Variants in SIAH3 observed in about 807,000 individuals in gnomAD.
The protein encoded by SIAH3 is seven in absentia homolog 3.
A neutral mutation model predicts 12.6 loss-of-function variants in SIAH3; 9 were observed. The ratio of observed to expected loss-of-function variants is 0.72; its 90% CI spans 0.43 to 1.25. The LOEUF (loss-of-function observed/expected upper bound fraction) is 1.25. SIAH3 is among the 50% of genes most tolerant of loss of function. The probability of loss-of-function intolerance (pLI) is 0.00; values close to 1 mark genes in which losing one functional copy is unlikely to be tolerated. For missense variants in SIAH3, 390 were observed against 365.4 expected, an observed-to-expected ratio of 1.07 and a Z score of -0.55; for synonymous variants, 154 against 151.1, an observed-to-expected ratio of 1.02 and a Z score of -0.14.
chr13:45,814,099 C>T (rs1003498682), intron 1 of SIAH3, among the ~76,000 whole-genome samples: 2 of 151,914 alleles, frequency 1.3e-5, no homozygotes, highest in Middle Eastern at 3.4e-3. Context: ...ATTAGCCGGG[C>T]GTGGTGGCGG....
At chr13:45,835,413 C>T (rs1950714292) in intron 1 of SIAH3, among the ~76,000 whole-genome samples, 1 of 152,202 alleles carries the variant, frequency 6.6e-6, no homozygotes, top group Admixed American at 6.5e-5. Flanking sequence ...TCCCTCCTCA[C>T]ATCTAGTAAT....
chr13:45,790,352 G>A (rs956449883), intron 1 of SIAH3, among the ~76,000 whole-genome samples: 2 of 152,072 alleles, frequency 1.3e-5, no homozygotes, highest in African/African-American at 2.4e-5. Flanking sequence ...AATGAAAAGG[G>A]TCCATATAGA....
At chr13:45,817,603 C>T (rs1334232168) in intron 1 of SIAH3, among the ~76,000 whole-genome samples, 7 of 151,122 alleles carry the variant, frequency 4.6e-5, no homozygotes, top group Non-Finnish European at 8.8e-5. Flanking sequence ...GAGTGACCTA[C>T]AGAAGAGAAA....
Position 45,851,613 on chromosome 13 carries a change from T to G in SIAH3, c.17A>C (p.Gln6Pro). The G allele has an allele frequency of 6.2e-7, 1 of 1,614,136 alleles. No individual in the cohort carries two copies. Residue 6 changes from glutamine (Q) to proline (P), a missense_variant, in exon 1 of 2, where the codon CAG becomes CCG. Gln to Pro is a moderately conservative substitution (Grantham distance 76). Transcript: ENST00000400405. MLFFT[Q>P]CFGAVLDLIH... ...GAGATCTAATACAGCCCCAAAGCAC[T>G]GGGTAAAGAAAAGCATCACAACTTT...
intron 1 of SIAH3, among the ~76,000 whole-genome samples, chr13:45,796,122 C>T (rs1225785996): frequency 2.0e-5 from 3 of 152,048 alleles, no homozygotes; most frequent in East Asian, 1.9e-4. Context: ...AAATATAACT[C>T]GTGGTCTGGA....
Position 45,783,285 on chromosome 13 carries a change from G to T in SIAH3, c.*98C>A. ...AATTAAAAATTAAAAAAAAAAAAAA[G>T]AAAGGAGAAGAATAAAAAGGAGTCT... is the stretch of plus-strand genomic sequence containing the variant. On this transcript the variant is annotated 3_prime_UTR_variant, in exon 2 of 2. Transcript: ENST00000400405. 73 of 647,980 alleles carry T rather than the reference G, an allele frequency of 1.1e-4. No individual in the cohort carries two copies. The highest frequency in any genetic ancestry group is 5.0e-4 in the Middle Eastern group (1 of 2,006). 40.1% of individuals were successfully genotyped at this position (647,980 alleles called of 1,614,324 possible).
At chr13:45,841,291 CTG>C (rs1257921388) in intron 1 of SIAH3, among the ~76,000 whole-genome samples, 1 of 152,200 alleles carries the variant, frequency 6.6e-6, no homozygotes, top group African/African-American at 2.4e-5. Flanking sequence ...CTTGTAAAAT[CTG>C]TGTTATTGAT....
At chr13:45,840,353 T>C (rs1593388795) in intron 1 of SIAH3, among the ~76,000 whole-genome samples, 1 of 152,364 alleles carries the variant, frequency 6.6e-6, no homozygotes, top group East Asian at 1.9e-4. Context: ...AGCTTCCTCA[T>C]GTGTAAACTG....
chr13:45,831,032 G>T (rs1294459928), intron 1 of SIAH3, among the ~76,000 whole-genome samples: 1 of 151,654 alleles, frequency 6.6e-6, no homozygotes, highest in East Asian at 1.9e-4. Flanking sequence ...TACAAAAATT[G>T]GCCAGGCATG....
At chr13:45,837,745 T>C (rs761794486) in intron 1 of SIAH3, among the ~76,000 whole-genome samples, 1 of 152,204 alleles carries the variant, frequency 6.6e-6, no homozygotes, top group Non-Finnish European at 1.5e-5. Context: ...TAGTCTCACA[T>C]TGTATGTATT....
chr13:45,783,922 G>A lies in SIAH3; in HGVS notation c.271C>T (p.His91Tyr). 6.2e-7 allele frequency: 1 copy of A among 1,610,304 alleles called. No homozygotes were observed. Among genetic ancestry groups the A allele is most frequent in the Non-Finnish European group, 8.5e-7 (1 of 1,178,264 alleles). Residue 91 changes from histidine (H) to tyrosine (Y), a missense_variant, in exon 2 of 2, where the codon CAC becomes TAC. His to Tyr is a moderately conservative substitution (Grantham distance 83). Coordinates refer to ENST00000400405, the MANE Select transcript of SIAH3 (RefSeq NM_198849.3). The part of the protein sequence containing the change: ...LRHHAHPHHL[H>Y]HQEAGLHANP... The stretch of plus-strand genomic sequence containing the variant: ...GCGTGCAGCCCCGCCTCCTGGTGGT[G>A]AAGGTGGTGGGGGTGGGCGTGGTGG...
intron 1 of SIAH3, among the ~76,000 whole-genome samples, chr13:45,799,190 C>T (rs921070703): frequency 9.2e-5 from 14 of 152,112 alleles, no homozygotes; most frequent in Non-Finnish European, 1.3e-4. Flanking sequence ...CATAAAGAGG[C>T]GGATGGGGTT....
At chr13:45,818,565 T>A (rs543991654) in intron 1 of SIAH3, among the ~76,000 whole-genome samples, 2 of 152,368 alleles carry the variant, frequency 1.3e-5, no homozygotes, top group South Asian at 4.1e-4. Flanking sequence ...AGGAGAATCA[T>A]TCCTCTTCCA....
chr13:45,783,935 G>C lies in SIAH3; in HGVS notation c.258C>G (p.His86Gln). ...RHHHHLRHHA[H>Q]PHHLHHQEAG... Reference sequence around the variant, plus strand: ...CCTCCTGGTGGTGAAGGTGGTGGGGGTGGGCGTGGTGGCGGAGGTGGTGGT... The same window carrying C: ...CCTCCTGGTGGTGAAGGTGGTGGGGCTGGGCGTGGTGGCGGAGGTGGTGGT... Residue 86 changes from histidine to glutamine, a missense_variant, in exon 2 of 2, where the codon CAC becomes CAG. By Grantham distance (24) the His-to-Gln change is conservative. Transcript: ENST00000400405. 6.2e-7 allele frequency: 1 copy of C among 1,608,260 alleles called. No individual in the cohort carries two copies. The highest frequency in any genetic ancestry group is 1.7e-4 in the Middle Eastern group (1 of 6,000).
At position 45,826,374 on chromosome 13, in the gene SIAH3, TGAATGAA is replaced by T. The variant is rs1566094795; in HGVS notation, c.135+25114_135+25120del. 4.8e-3 allele frequency among the ~76,000 whole-genome samples: 68 copies of T among 14,258 alleles called. 9 individuals are homozygous for T. The highest frequency in any genetic ancestry group is 5.8e-3 in the African/African-American group (25 of 4,278). The allele number at this position is 14,258 out of a possible 152,430, so 9.4% of individuals were successfully genotyped here. A position where few individuals can be genotyped will look rare whatever the true frequency, so the allele number is the denominator to read the frequency against. On this transcript the variant is annotated intron_variant, in intron 1 of 1. Transcript: ENST00000400405. Reference sequence around the variant, plus strand: ...GTGGGTGGATGGATGGATGGATGGATGAATGAATGGATGGATGGATGGATGGATGGAT... The same window carrying T: ...GTGGGTGGATGGATGGATGGATGGATTGGATGGATGGATGGATGGATGGAT...
chr13:45,784,396 CTGTTTTTTTT>C (rs1950518816), intron 1 of SIAH3, among the ~76,000 whole-genome samples: 1 of 102,014 alleles, frequency 9.8e-6, no homozygotes, highest in Non-Finnish European at 2.0e-5. Flanking sequence ...ACAAAGACAG[CTGTTTTTTTT>C]TTTTTTTTTT....
intron 1 of SIAH3, among the ~76,000 whole-genome samples, chr13:45,784,416 T>G (rs1253211313): frequency 6.6e-6 from 1 of 150,964 alleles, no homozygotes; most frequent in Non-Finnish European, 1.5e-5. Context: ...TTTTTTTTTT[T>G]TTTTTGCTTT....
chr13:45,787,068 C>T (rs1370419028), intron 1 of SIAH3, among the ~76,000 whole-genome samples: 1 of 152,042 alleles, frequency 6.6e-6, no homozygotes, highest in Non-Finnish European at 1.5e-5. Context: ...CCAGTGCCTT[C>T]CATTGGTGAA....
intron 1 of SIAH3, among the ~76,000 whole-genome samples, chr13:45,789,904 G>A (rs570327025): frequency 1.2e-3 from 180 of 152,264 alleles, no homozygotes; most frequent in African/African-American, 4.0e-3. Flanking sequence ...GTTTTGGTTG[G>A]TGAAATTAGT....
Sources: gnomAD v4.1 joint callset for allele counts (sites outside exome capture counted in the v4.1 genomes callset) on GRCh38, gnomAD v4.1.1 for gene constraint, MANE v1.5 for transcripts, NCBI Gene and HGNC (gene_info 2026-07-23, HGNC 2026-07-21) for gene names.